The following CADPS variants were observed in gnomAD, a reference collection of about 807,000 sequenced individuals.
CADPS encodes the protein calcium-dependent secretion activator 1.
A neutral mutation model predicts 167.3 loss-of-function variants in CADPS; 57 were observed. The ratio of observed to expected loss-of-function variants is 0.34; its 90% CI spans 0.28 to 0.42. The LOEUF is 0.42. Among genes scored for constraint, CADPS ranks in the 20% least tolerant of loss-of-function variants. CADPS has a pLI of 1.00. For synonymous variants in CADPS, 676 were observed against 635.3 expected, an observed-to-expected ratio of 1.06 and a Z score of -0.96; for missense variants, 1,414 against 1,738.1, an observed-to-expected ratio of 0.81 and a Z score of 3.32.
At chr3:62,691,985 CTT>C (rs2079223358) in intron 3 of CADPS, among the ~76,000 whole-genome samples, 1 of 149,838 alleles carries the variant, frequency 6.7e-6, no homozygotes, top group African/African-American at 2.5e-5. Flanking sequence ...ATGGTCTTAT[CTT>C]ATGAAATAAA....
At chr3:62,855,200 C>T (rs548866146) in intron 1 of CADPS, among the ~76,000 whole-genome samples, 6 of 151,000 alleles carry the variant, frequency 4.0e-5, no homozygotes, top group African/African-American at 1.5e-4. Flanking sequence ...CCACTTCGGC[C>T]TCCCAAAGTG....
chr3:62,546,629 T>C (rs1040559792), intron 11 of CADPS, among the ~76,000 whole-genome samples: 1 of 152,290 alleles, frequency 6.6e-6, no homozygotes, highest in Non-Finnish European at 1.5e-5. Flanking sequence ...CAGCGGTGGA[T>C]TGAAAATATT....
intron 1 of CADPS, chr3:62,779,635 A>G (rs991417015): frequency 3.0e-5 from 16 of 532,542 alleles, no homozygotes; most frequent in Non-Finnish European, 5.4e-5. Context: ...ATGCATTTTA[A>G]AGGCATAGGC....
chr3:62,600,125 T>C (rs2059743096), intron 6 of CADPS, among the ~76,000 whole-genome samples: 1 of 148,320 alleles, frequency 6.7e-6, no homozygotes, highest in Non-Finnish European at 1.5e-5. Flanking sequence ...AACTGAGGGC[T>C]TTTATCTCTT....
chr3:62,780,040 A>G (rs914406300), intron 1 of CADPS, among the ~76,000 whole-genome samples: 2 of 152,142 alleles, frequency 1.3e-5, no homozygotes, highest in Non-Finnish European at 2.9e-5. Flanking sequence ...CCTTGTACAT[A>G]GAGTTTATGG....
chr3:62,596,200 A>AT (rs11361617), intron 6 of CADPS, among the ~76,000 whole-genome samples: 8 of 136,760 alleles, frequency 5.8e-5, no homozygotes, highest in East Asian at 4.3e-4. Flanking sequence ...ACAGAGTGCT[A>AT]TTTTTTTTTT....
In CADPS at chr3:62,512,738, A is replaced by G; in HGVS notation, c.2599+13T>C. On this transcript the variant is annotated intron_variant, in intron 17 of 29. Transcript: ENST00000383710. ...AGTCCTGATAATTTATAATGCATATACAATTGGTTCACCTGCATCCTTTTG... is the reference window on the plus strand; with the variant it reads ...AGTCCTGATAATTTATAATGCATATGCAATTGGTTCACCTGCATCCTTTTG... The G allele has an allele frequency of 6.2e-7, 1 of 1,601,024 alleles. No individual in the cohort carries two copies. Among genetic ancestry groups the G allele is most frequent in the Admixed American group, 1.7e-5 (1 of 59,478 alleles).
chr3:62,766,318 T>C (rs892006976), intron 1 of CADPS, among the ~76,000 whole-genome samples: 16 of 152,284 alleles, frequency 1.1e-4, no homozygotes, highest in African/African-American at 3.6e-4. Context: ...GGAAATTCTA[T>C]ATAAGGGAGT....
At chr3:62,715,933 G>A (rs1380581783) in intron 3 of CADPS, among the ~76,000 whole-genome samples, 2 of 151,488 alleles carry the variant, frequency 1.3e-5, no homozygotes, top group Admixed American at 1.3e-4. Flanking sequence ...TTTTAGAAGA[G>A]ACGGGGTTTC....
At chr3:62,843,067 A>AT (rs2076870936) in intron 1 of CADPS, among the ~76,000 whole-genome samples, 1 of 139,086 alleles carries the variant, frequency 7.2e-6, no homozygotes, top group Non-Finnish European at 1.7e-5. Context: ...GCTCTGGTAT[A>AT]ATTTTTTTTC....
At position 62,650,864 on chromosome 3, in the gene CADPS, G is replaced by C; in HGVS notation, c.1186C>G (p.Leu396Val). ...CTTTTTACCTCCAATGAGAAAGACA[G>C]CACGACATCTGACTTGGAGAGCTGG... ...ENQLSKSDVVLSFSLEVVIME... is the reference protein window; with the variant it reads ...ENQLSKSDVVVSFSLEVVIME... The change falls in exon 5 of 30, where the codon CTG becomes GTG. Residue 396 changes from leucine to valine, a missense_variant. Physicochemically the swap from Leu to Val is conservative, Grantham distance 32. This residue lies in a region of CADPS where 522 missense variants were observed against 559.5 expected (regional missense o/e 0.93). Coordinates refer to ENST00000383710, the MANE Select transcript of CADPS (RefSeq NM_003716.4). 1 of 1,613,808 alleles carries C rather than the reference G, an allele frequency of 6.2e-7. No individual in the cohort carries two copies. Among genetic ancestry groups the C allele is most frequent in the South Asian group, 1.1e-5 (1 of 91,062 alleles).
In CADPS at chr3:62,578,927, G is replaced by A. The variant is rs184060712; in HGVS notation, c.1577+6258C>T. On this transcript the variant is annotated intron_variant, in intron 8 of 29. Transcript: ENST00000383710. ...TTTCAGAGTCTGTACCAAAAAGCAT[G>A]GTGTCTTGGAGACCTATGAGGAGGA... Among the ~76,000 whole-genome samples the A allele has an allele frequency of 2.0e-5, 3 of 152,208 alleles. No homozygotes were observed. The East Asian group carries it at 5.8e-4, about 29-fold the overall frequency.
chr3:62,445,881 C>A, intron 26 of CADPS, 84 bp from the exon 27 acceptor site: 2 of 902,646 alleles, frequency 2.2e-6, no homozygotes, highest in South Asian at 6.8e-5. Context: ...CCATCAGAAT[C>A]AAAACAACAT....
intron 6 of CADPS, among the ~76,000 whole-genome samples, chr3:62,600,594 C>G (rs1382292186): frequency 6.6e-6 from 1 of 152,314 alleles, no homozygotes; most frequent in South Asian, 2.1e-4. Context: ...CTTAGGGATT[C>G]TATCTCCAAA....
At chr3:62,590,759 G>A (rs928195043) in intron 7 of CADPS, among the ~76,000 whole-genome samples, 6 of 152,116 alleles carry the variant, frequency 3.9e-5, no homozygotes, top group Admixed American at 6.5e-5. Context: ...TTATATCAGA[G>A]GCTCAGAGAG....
intron 10 of CADPS, among the ~76,000 whole-genome samples, chr3:62,555,283 A>C (rs2077953031): frequency 1.3e-5 from 2 of 152,238 alleles, no homozygotes; most frequent in Admixed American, 1.3e-4. Context: ...GATCGATGTA[A>C]AAAGAAATAA....
At chr3:62,609,864 T>C (rs1004951971) in intron 6 of CADPS, among the ~76,000 whole-genome samples, 4 of 152,012 alleles carry the variant, frequency 2.6e-5, no homozygotes, top group Admixed American at 2.6e-4. Flanking sequence ...CTGAGGCAGG[T>C]GGATCCCTTG....
intron 1 of CADPS, among the ~76,000 whole-genome samples, chr3:62,842,218 A>G (rs998021058): frequency 5.3e-5 from 8 of 152,208 alleles, no homozygotes; most frequent in African/African-American, 1.7e-4. Flanking sequence ...CGCTTTACGT[A>G]TATTATCTCA....
At chr3:62,849,355 A>G (rs1348171834) in intron 1 of CADPS, among the ~76,000 whole-genome samples, 167 of 138,132 alleles carry the variant, frequency 1.2e-3, no homozygotes, top group African/African-American at 4.4e-3. Context: ...GTCTTGTGCC[A>G]GTTTTCAAAG....
Sources: gnomAD v4.1 joint callset for allele counts (sites outside exome capture counted in the v4.1 genomes callset) on GRCh38, gnomAD v4.1.1 for gene constraint, gnomAD v4.1.1 regional missense constraint, MANE v1.5 for transcripts, NCBI Gene and HGNC (gene_info 2026-07-23, HGNC 2026-07-21) for gene names.